The following NPEPL1 variants were observed in gnomAD, a reference collection of about 807,000 sequenced individuals.
NPEPL1 encodes the protein aminopeptidase like 1, also known as probable aminopeptidase NPEPL1.
NPEPL1 carries 45 observed loss-of-function variants against 52.4 expected under a neutral mutation model. That is an observed-to-expected ratio of 0.86 (90% CI 0.68 to 1.10). The LOEUF (loss-of-function observed/expected upper bound fraction) is 1.10. NPEPL1 is among the 50% of genes least tolerant of loss of function. The pLI is 0.00. For missense variants in NPEPL1, 696 were observed against 710.9 expected (o/e 0.98, Z 0.24); for synonymous variants, 360 against 314.7 (o/e 1.14, Z -1.52).
At position 58,702,528 on chromosome 20, in the gene NPEPL1, G is replaced by C. The variant is rs190228321; in HGVS notation, c.822+1370G>C. On this transcript the variant is annotated intron_variant, in intron 6 of 11. Coordinates refer to ENST00000356091, the MANE Select transcript of NPEPL1 (RefSeq NM_024663.4). ...AGAAAATGACACTAATCATAAAAAGGGTTTTTTGTTTTTTTTTAATAGAAA... is the reference window on the plus strand; with the variant it reads ...AGAAAATGACACTAATCATAAAAAGCGTTTTTTGTTTTTTTTTAATAGAAA... Among the ~76,000 whole-genome samples, 28 of 152,162 alleles carry C rather than the reference G, an allele frequency of 1.8e-4. No homozygotes were observed. The East Asian group carries it at 2.1e-3, about 12-fold the overall frequency.
Position 58,714,544 on chromosome 20 carries a change from C to A in NPEPL1, c.1303-16C>A. ...CGGAGCAACCCACAGGCACTGTGTCCTCCTGGCCTCCCTAGGACCGAGACA... is the reference window on the plus strand; with the variant it reads ...CGGAGCAACCCACAGGCACTGTGTCATCCTGGCCTCCCTAGGACCGAGACA... On this transcript the variant is annotated splice_polypyrimidine_tract_variant and intron_variant, in intron 10 of 11. Transcript: ENST00000356091. The A allele has an allele frequency of 2.6e-6, 4 of 1,552,212 alleles. No homozygotes were observed. The highest frequency in any genetic ancestry group is 3.5e-6 in the Non-Finnish European group (4 of 1,151,180).
chr20:58,700,300 T>C (rs1270751024), intron 5 of NPEPL1, among the ~76,000 whole-genome samples: 2 of 152,164 alleles, frequency 1.3e-5, no homozygotes, highest in African/African-American at 2.4e-5. Context: ...CACAAGGACA[T>C]GAATACCCAG....
At chr20:58,691,926 TC>T, upstream of NPEPL1, 1 of 823,128 alleles carries the variant, frequency 1.2e-6, no homozygotes, top group East Asian at 2.7e-5. Context: ...GGTGGGACCC[TC>T]CGCCTCCACC....
intron 6 of NPEPL1, chr20:58,703,449 T>G: frequency 9.1e-6 from 9 of 984,708 alleles, no homozygotes; most frequent in Non-Finnish European, 1.1e-5. Flanking sequence ...CTGCACCTGG[T>G]ACTGGCTGCT....
chr20:58,712,783 G>A (rs1398459390), intron 8 of NPEPL1: 1 of 675,422 alleles, frequency 1.5e-6, no homozygotes, highest in Non-Finnish European at 2.7e-6. Context: ...ACCTGGATGA[G>A]GTGCTAGGCT....
intron 6 of NPEPL1, chr20:58,704,373 G>A (rs1399811983): frequency 1.1e-5 from 11 of 985,372 alleles, no homozygotes; most frequent in Non-Finnish European, 1.3e-5. Context: ...TGCATTACTG[G>A]AGACCCCTTT....
intron 5 of NPEPL1, 76 bp downstream of exon 5, chr20:58,699,354 G>T (rs373112050): frequency 1.8e-6 from 2 of 1,085,374 alleles, no homozygotes; most frequent in Non-Finnish European, 2.7e-6. Context: ...GGGGGTCGGC[G>T]GGCCACATGG....
upstream of NPEPL1, chr20:58,691,289 A>C (rs949944053): frequency 3.0e-6 from 2 of 659,080 alleles, no homozygotes; most frequent in Non-Finnish European, 2.7e-6. Flanking sequence ...TGAAGAAAAT[A>C]AGATCCAATT....
intron 6 of NPEPL1, among the ~76,000 whole-genome samples, chr20:58,701,987 C>T (rs764788069): frequency 2.6e-5 from 4 of 152,308 alleles, no homozygotes; most frequent in Admixed American, 6.5e-5. Flanking sequence ...TCCTACACAC[C>T]GTGTGAGCAG....
chr20:58,700,712 G>C (rs374007560), intron 5 of NPEPL1, among the ~76,000 whole-genome samples: 41 of 152,310 alleles, frequency 2.7e-4, no homozygotes, highest in East Asian at 2.5e-3. Flanking sequence ...TCCAAACATC[G>C]TTTCATTCTG....
At chr20:58,690,569 T>C (rs1209244055), upstream of NPEPL1, among the ~76,000 whole-genome samples, 2 of 152,212 alleles carry the variant, frequency 1.3e-5, no homozygotes, top group Non-Finnish European at 2.9e-5. Flanking sequence ...AGTGGAATAA[T>C]TCCTTAGCGT....
Position 58,694,302 on chromosome 20 carries a change from A to ATC in NPEPL1, c.337-116_337-115dup, listed in dbSNP as rs1373514647. The ATC allele has an allele frequency of 4.8e-6, 5 of 1,037,152 alleles. No individual in the cohort carries two copies. The East Asian group carries it at 1.3e-4, about 26-fold the overall frequency. The allele number at this position is 1,037,152 out of a possible 1,614,324, so 64.2% of individuals were successfully genotyped here. A position where few individuals can be genotyped will look rare whatever the true frequency, so the allele number is the denominator to read the frequency against. Reference sequence around the variant, plus strand: ...GATGGGGTGGCGGCTGCTGTGGGACATCTCTGTCTAGATGTCACCTGCCAG... The same window carrying ATC: ...GATGGGGTGGCGGCTGCTGTGGGACATCTCTCTGTCTAGATGTCACCTGCCAG... On this transcript the variant is annotated intron_variant, in intron 2 of 11. Transcript: ENST00000356091.
chr20:58,695,896 T>A (rs1230246789), intron 3 of NPEPL1, among the ~76,000 whole-genome samples: 3 of 152,190 alleles, frequency 2.0e-5, no homozygotes, highest in Non-Finnish European at 4.4e-5. Context: ...CCGTCCCTCC[T>A]TGAAGTGCAT....
Position 58,713,672 on chromosome 20 carries a change from G to A in NPEPL1, c.1125+129G>A. Reference sequence around the variant, plus strand: ...AGTTTTCATAACTGGGCACGAGGAGGCAGGAGGAGCTGCCCGTCAAGCTTG... The same window carrying A: ...AGTTTTCATAACTGGGCACGAGGAGACAGGAGGAGCTGCCCGTCAAGCTTG... On this transcript the variant is annotated intron_variant, in intron 9 of 11. Coordinates refer to ENST00000356091, the MANE Select transcript of NPEPL1 (RefSeq NM_024663.4). The surrounding 1 kb of genome is among the most constrained non-coding windows in gnomAD (Gnocchi z 4.6). 1 of 1,321,768 alleles carries A rather than the reference G, an allele frequency of 7.6e-7. No individual in the cohort carries two copies. Among genetic ancestry groups the A allele is most frequent in the African/African-American group, 1.5e-5 (1 of 67,692 alleles). The allele number at this position is 1,321,768 out of a possible 1,614,324, so 81.9% of individuals were successfully genotyped here. A position where few individuals can be genotyped will look rare whatever the true frequency, so the allele number is the denominator to read the frequency against.
Position 58,712,571 on chromosome 20 carries a change from C to T in NPEPL1, c.993C>T (p.Tyr331=), listed in dbSNP as rs981521773. 2 of 1,611,200 alleles carry T rather than the reference C, an allele frequency of 1.2e-6. No individual in the cohort carries two copies. The highest frequency in any genetic ancestry group is 1.7e-4 in the Middle Eastern group (1 of 6,058). ...GGCCAGATGACATCCACCTGCTGTA[C>T]TCAGGGAAGTACGTCTGGCCCTCCC... The part of the protein sequence containing the change: ...ATRPDDIHLL[Y]SGKTVEINNT... Residue 331 remains tyrosine (Y), a synonymous_variant, in exon 8 of 12, where the codon TAC becomes TAT. Coordinates refer to ENST00000356091, the MANE Select transcript of NPEPL1 (RefSeq NM_024663.4).
intron 3 of NPEPL1, among the ~76,000 whole-genome samples, chr20:58,697,329 C>G (rs886849887): frequency 2.2e-4 from 33 of 152,368 alleles, no homozygotes; most frequent in African/African-American, 5.8e-4. Context: ...CAGGTGACAC[C>G]TGGCCTCCTT....
intron 6 of NPEPL1, among the ~76,000 whole-genome samples, chr20:58,706,753 C>T (rs8115194): frequency 0.35 from 53,190 of 152,086 alleles, 12,874 homozygotes; most frequent in African/African-American, 0.69. Flanking sequence ...TCAGGGTGCC[C>T]GGCGTCAAAG....
chr20:58,701,984 C>T (rs1456650389), intron 6 of NPEPL1, among the ~76,000 whole-genome samples: 2 of 152,216 alleles, frequency 1.3e-5, no homozygotes, highest in Non-Finnish European at 2.9e-5. Flanking sequence ...TCATCCTACA[C>T]ACCGTGTGAG....
At chr20:58,703,448 G>T (rs906526412) in intron 6 of NPEPL1, 1 of 984,668 alleles carries the variant, frequency 1.0e-6, no homozygotes, top group Non-Finnish European at 1.2e-6. Context: ...CCTGCACCTG[G>T]TACTGGCTGC....
Sources: allele counts gnomAD v4.1 joint callset (sites outside exome capture counted in the v4.1 genomes callset), GRCh38; gene constraint gnomAD v4.1.1; non-coding constraint Gnocchi (gnomAD v3.1); transcripts MANE v1.5; gene names NCBI Gene and HGNC (gene_info 2026-07-23, HGNC 2026-07-21).